The following CADPS variants were observed in gnomAD, a reference collection of about 807,000 sequenced individuals.
The protein encoded by CADPS is calcium-dependent secretion activator 1.
Under a neutral mutation model 167.3 loss-of-function variants are expected in CADPS, and 57 were observed. The ratio of observed to expected loss-of-function variants is 0.34; its 90% CI spans 0.28 to 0.42. CADPS has a LOEUF of 0.42. CADPS is among the 20% of genes least tolerant of loss of function. The probability of loss-of-function intolerance (pLI) is 1.00; values close to 1 mark genes in which losing one functional copy is unlikely to be tolerated. For missense variants in CADPS, 1,414 were observed against 1,738.1 expected (o/e 0.81, Z 3.32); for synonymous variants, 676 against 635.3 (o/e 1.06, Z -0.96).
intron 1 of CADPS, among the ~76,000 whole-genome samples, chr3:62,843,849 A>AC (rs1476610790): frequency 6.6e-6 from 1 of 152,126 alleles, no homozygotes; most frequent in East Asian, 1.9e-4. Context: ...TAAAAAAAAA[A>AC]ATCAGTAAAA....
chr3:62,661,937 G>T lies in CADPS; in HGVS notation c.969+377C>A, dbSNP rs1035765162. ...CACAGTGATTGGATATAGAACAAGA[G>T]AAGAGGAGTAAATATAGTTATGTGT... On this transcript the variant is annotated intron_variant, in intron 4 of 29. Transcript: ENST00000383710. Among the ~76,000 whole-genome samples, 17 of 152,312 alleles carry T rather than the reference G, an allele frequency of 1.1e-4. No homozygotes were observed. The East Asian group carries it at 1.7e-3, about 16-fold the overall frequency.
intron 6 of CADPS, among the ~76,000 whole-genome samples, chr3:62,615,078 G>T (rs1246870084): frequency 6.6e-6 from 1 of 152,208 alleles, no homozygotes; most frequent in Admixed American, 6.5e-5. Context: ...CTGGCAGCAT[G>T]TAATAGTTTA....
intron 1 of CADPS, among the ~76,000 whole-genome samples, chr3:62,789,055 T>C (rs1016812789): frequency 1.3e-5 from 2 of 152,216 alleles, no homozygotes; most frequent in African/African-American, 2.4e-5. Context: ...TATTAGTTTC[T>C]GAATGATTGA....
chr3:62,542,978 A>C (rs1313900338), intron 11 of CADPS, among the ~76,000 whole-genome samples: 1 of 152,188 alleles, frequency 6.6e-6, no homozygotes, highest in Non-Finnish European at 1.5e-5. Context: ...CCTGATTAAT[A>C]ATCTTACTAT....
chr3:62,711,189 A>G (rs2083332635), intron 3 of CADPS, among the ~76,000 whole-genome samples: 1 of 152,228 alleles, frequency 6.6e-6, no homozygotes, highest in Non-Finnish European at 1.5e-5. Context: ...CATATATCAG[A>G]ATAATTTTAA....
At chr3:62,790,074 T>C (rs1241347470) in intron 1 of CADPS, among the ~76,000 whole-genome samples, 1 of 152,162 alleles carries the variant, frequency 6.6e-6, no homozygotes. Context: ...AGGCTTAAAA[T>C]TCTTTAAAAT....
At chr3:62,432,089 T>C (rs1007218393) in intron 28 of CADPS, among the ~76,000 whole-genome samples, 1 of 152,074 alleles carries the variant, frequency 6.6e-6, no homozygotes, top group Non-Finnish European at 1.5e-5. Context: ...TTAATTCTGA[T>C]TTATTTGGCA....
chr3:62,567,258 G>C (rs953241053), intron 9 of CADPS, among the ~76,000 whole-genome samples: 1 of 152,006 alleles, frequency 6.6e-6, no homozygotes, highest in African/African-American at 2.4e-5. Context: ...GAGAATGGTT[G>C]TCACCAGCCA....
In CADPS at chr3:62,642,755, C is replaced by G. The variant is rs578252935; in HGVS notation, c.1325+2967G>C. On this transcript the variant is annotated intron_variant, in intron 6 of 29. Coordinates refer to ENST00000383710, the MANE Select transcript of CADPS (RefSeq NM_003716.4). ...GAAACCCCATCTCTACAAAAACATA[C>G]AAAAATTAGCTGGGCGTGGTAGTGT... is the stretch of plus-strand genomic sequence containing the variant. Among the ~76,000 whole-genome samples the G allele has an allele frequency of 7.7e-4, 117 of 152,014 alleles. 1 individual carries two copies. The highest frequency in any genetic ancestry group is 3.4e-3 in the Middle Eastern group (1 of 294).
intron 3 of CADPS, among the ~76,000 whole-genome samples, chr3:62,738,168 T>C (rs79330349): frequency 0.023 from 3,461 of 152,294 alleles, 135 homozygotes; most frequent in African/African-American, 0.079. Context: ...AACTCACGTT[T>C]CTATGAGGTT....
intron 29 of CADPS, among the ~76,000 whole-genome samples, chr3:62,400,417 T>C (rs1705479363): frequency 6.6e-6 from 1 of 151,998 alleles, no homozygotes; most frequent in African/African-American, 2.4e-5. Context: ...GTCTACTTTG[T>C]AATTTTTTTT....
rs867832976 is a variant in CADPS, at chr3:62,735,401, A to C, written c.888+18040T>G. ...CTCTGCGCTTGGGGGAGATTGAGGG[A>C]AGGAGACTTCAACTGCACCACTACA... On this transcript the variant is annotated intron_variant, in intron 3 of 29. Coordinates refer to ENST00000383710, the MANE Select transcript of CADPS (RefSeq NM_003716.4). Among the ~76,000 whole-genome samples the C allele has an allele frequency of 1.9e-4, 29 of 152,302 alleles. 1 individual carries two copies. Among genetic ancestry groups the C allele is most frequent in the Non-Finnish European group, 3.4e-4 (23 of 68,010 alleles).
intron 21 of CADPS, among the ~76,000 whole-genome samples, chr3:62,483,880 G>T (rs1385610961): frequency 6.6e-6 from 1 of 152,018 alleles, no homozygotes; most frequent in East Asian, 1.9e-4. Context: ...AATGATCAAG[G>T]AATTAGAAGA....
chr3:62,838,635 G>A (rs1330377525), intron 1 of CADPS, among the ~76,000 whole-genome samples: 1 of 152,160 alleles, frequency 6.6e-6, no homozygotes, highest in Non-Finnish European at 1.5e-5. Flanking sequence ...GTAATTGTTA[G>A]TTTGTAACCT....
chr3:62,472,024 T>A lies in CADPS; in HGVS notation c.3477+2149A>T, dbSNP rs1031045261. On this transcript the variant is annotated intron_variant, in intron 24 of 29. Transcript: ENST00000383710. ...AAATATACAATGGTCAATAAATACA[T>A]AAAAAGGAGCGAACAATACATGCTA... 4.6e-5 allele frequency among the ~76,000 whole-genome samples: 7 copies of A among 151,942 alleles called. No individual in the cohort carries two copies. The South Asian group carries it at 1.5e-3, about 32-fold the overall frequency.
intron 3 of CADPS, among the ~76,000 whole-genome samples, chr3:62,674,838 T>C (rs954010207): frequency 1.3e-5 from 2 of 152,300 alleles, no homozygotes; most frequent in Admixed American, 6.5e-5. Context: ...ATTCAAGAAG[T>C]TGGAAGTAGA....
chr3:62,837,163 T>C (rs2076016707), intron 1 of CADPS, among the ~76,000 whole-genome samples: 1 of 152,176 alleles, frequency 6.6e-6, no homozygotes, highest in Non-Finnish European at 1.5e-5. Flanking sequence ...ATACACTTAA[T>C]CCTTACACTA....
intron 21 of CADPS, among the ~76,000 whole-genome samples, chr3:62,489,694 T>A (rs6785786): frequency 0.33 from 49,999 of 152,132 alleles, 9,449 homozygotes; most frequent in East Asian, 0.46. Flanking sequence ...CCATGTGTGT[T>A]GGTAGTAGTA....
rs981930712 is a variant in CADPS, at chr3:62,455,020, G to A, written c.3637-9223C>T. Among the ~76,000 whole-genome samples, 6 of 152,004 alleles carry A rather than the reference G, an allele frequency of 3.9e-5. No homozygotes were observed. The highest frequency in any genetic ancestry group is 7.4e-5 in the Non-Finnish European group (5 of 68,016). ...GCAAACGCATTCTATTCCATGCTCT[G>A]ATTAGGAGCCGCAGCCTCATTAACG... On this transcript the variant is annotated intron_variant, in intron 26 of 29. Coordinates refer to ENST00000383710, the MANE Select transcript of CADPS (RefSeq NM_003716.4). This position sits in a 1 kb window ranked among gnomAD's most constrained non-coding sequence, Gnocchi z 4.4.
Sources: allele counts gnomAD v4.1 joint callset (sites outside exome capture counted in the v4.1 genomes callset), GRCh38; gene constraint gnomAD v4.1.1; non-coding constraint Gnocchi (gnomAD v3.1); transcripts MANE v1.5; gene names NCBI Gene and HGNC (gene_info 2026-07-23, HGNC 2026-07-21).